Variants in B4GALNT3 observed in about 807,000 individuals in gnomAD.
B4GALNT3 encodes beta-1,4-N-acetyl-galactosaminyltransferase 3.
B4GALNT3 carries 86 observed loss-of-function variants against 120.2 expected under a neutral mutation model. The observed-to-expected ratio is 0.72, with a 90% CI of 0.60 to 0.86. B4GALNT3 has a LOEUF of 0.86. Ranked by LOEUF, B4GALNT3 falls within the 40% of genes least tolerant of loss-of-function variation. The pLI is 0.00. For missense variants in B4GALNT3, 1,167 were observed against 1,298.9 expected (o/e 0.90, Z 1.56); for synonymous variants, 518 against 510.4 (o/e 1.01, Z -0.20).
intron 1 of B4GALNT3, among the ~76,000 whole-genome samples, chr12:522,520 A>G (rs528926248): frequency 1.5e-4 from 23 of 152,314 alleles, no homozygotes; most frequent in Non-Finnish European, 2.9e-4. Flanking sequence ...GGGAAGGGAA[A>G]GTGGCAGTTC....
In B4GALNT3 at chr12:542,232, C is replaced by T. The variant is rs193184281; in HGVS notation, c.352-2107C>T. ...CACTCTGCTGCAGGGCAGGGAGAGA[C>T]AGGTTCTCCTGCGTCTTTCTGGATC... On this transcript the variant is annotated intron_variant, in intron 3 of 19. Transcript: ENST00000266383. Among the ~76,000 whole-genome samples the T allele has an allele frequency of 1.3e-4, 20 of 152,276 alleles. No homozygotes were observed. The East Asian group carries it at 3.7e-3, about 28-fold the overall frequency.
chr12:511,275 G>GACCTTCCACCTTCC, intron 1 of B4GALNT3, among the ~76,000 whole-genome samples: 1 of 38,614 alleles, frequency 2.6e-5, no homozygotes, highest in South Asian at 9.7e-4. Context: ...TTCCACCTTC[G>GACCTTCCACCTTCC]ACCTTCTTCC....
intron 1 of B4GALNT3, among the ~76,000 whole-genome samples, chr12:486,529 C>T (rs1017371818): frequency 6.6e-6 from 1 of 152,184 alleles, no homozygotes; most frequent in East Asian, 1.9e-4. Context: ...CTTAACAAGG[C>T]CTGCCCTCAG....
intron 1 of B4GALNT3, among the ~76,000 whole-genome samples, chr12:482,335 A>C (rs2120476517): frequency 6.6e-6 from 1 of 152,264 alleles, no homozygotes; most frequent in South Asian, 2.1e-4. Flanking sequence ...AGCTTCAGGA[A>C]ACATCTCCTT....
chr12:461,132 C>A (rs531036892), intron 1 of B4GALNT3, among the ~76,000 whole-genome samples: 1 of 152,124 alleles, frequency 6.6e-6, no homozygotes, highest in Admixed American at 6.5e-5. Context: ...CCTCTCCCAG[C>A]CTCCGTCCTC....
At chr12:498,657 A>T (rs1290362666) in intron 1 of B4GALNT3, among the ~76,000 whole-genome samples, 1 of 152,208 alleles carries the variant, frequency 6.6e-6, no homozygotes, top group Non-Finnish European at 1.5e-5. Context: ...AGCTGAGAAA[A>T]AGCAGTATGT....
chr12:467,921 A>T (rs7137405), intron 1 of B4GALNT3, among the ~76,000 whole-genome samples: 70,167 of 152,098 alleles, frequency 0.46, 17,410 homozygotes, highest in East Asian at 0.62. Flanking sequence ...ATAATCACTC[A>T]GATTTCTCTC....
At chr12:476,058 G>A (rs1334370457) in intron 1 of B4GALNT3, among the ~76,000 whole-genome samples, 1 of 152,122 alleles carries the variant, frequency 6.6e-6, no homozygotes, top group Non-Finnish European at 1.5e-5. Context: ...CTTTACCATG[G>A]CATAGTGGTG....
In B4GALNT3 at chr12:553,332, A is replaced by G. The variant is rs756843302; in HGVS notation, c.1409A>G (p.Tyr470Cys). The change falls in exon 14 of 20, where the codon TAC becomes TGC. Residue 470 changes from tyrosine to cysteine, a missense_variant. Coordinates refer to ENST00000266383, the MANE Select transcript of B4GALNT3 (RefSeq NM_173593.4). Reference sequence around the variant, plus strand: ...ACCCTGGAGCAAGATGCCACTGACTACCGCCTCCGAAGCCTGCGGAAACTC... The same window carrying G: ...ACCCTGGAGCAAGATGCCACTGACTGCCGCCTCCGAAGCCTGCGGAAACTC... The part of the protein sequence containing the change: ...ASTLEQDATD[Y>C]RLRSLRKLLA... 1.7e-5 allele frequency: 27 copies of G among 1,613,560 alleles called. No homozygotes were observed. Among genetic ancestry groups the G allele is most frequent in the Non-Finnish European group, 2.1e-5 (25 of 1,180,046 alleles).
In B4GALNT3 at chr12:548,115, C is replaced by T; in HGVS notation, c.786+13C>T. On this transcript the variant is annotated intron_variant, in intron 8 of 19. Coordinates refer to ENST00000266383, the MANE Select transcript of B4GALNT3 (RefSeq NM_173593.4). The surrounding 1 kb of genome is among the most constrained non-coding windows in gnomAD (Gnocchi z 4.9). Reference sequence around the variant, plus strand: ...CGTGGAAGTTGCAGTGAGTTTCCTGCTGCTCCCGCCTCTCCCAGCTCAGTT... The same window carrying T: ...CGTGGAAGTTGCAGTGAGTTTCCTGTTGCTCCCGCCTCTCCCAGCTCAGTT... 6.2e-7 allele frequency: 1 copy of T among 1,610,692 alleles called. No individual in the cohort carries two copies. The highest frequency in any genetic ancestry group is 8.5e-7 in the Non-Finnish European group (1 of 1,178,158).
At chr12:526,587 C>A (rs1204185098) in intron 1 of B4GALNT3, among the ~76,000 whole-genome samples, 1 of 152,184 alleles carries the variant, frequency 6.6e-6, no homozygotes, top group African/African-American at 2.4e-5. Flanking sequence ...GGTCTTAAGT[C>A]AAAATTCCCC....
intron 1 of B4GALNT3, among the ~76,000 whole-genome samples, chr12:484,272 G>C (rs982175258): frequency 1.3e-5 from 2 of 152,118 alleles, no homozygotes; most frequent in Non-Finnish European, 2.9e-5. Flanking sequence ...TGTCAGTGAC[G>C]GTCATTCTGA....
intron 1 of B4GALNT3, among the ~76,000 whole-genome samples, chr12:503,798 A>G (rs914727711): frequency 6.6e-6 from 1 of 152,152 alleles, no homozygotes; most frequent in Non-Finnish European, 1.5e-5. Context: ...GACACTGTTG[A>G]CCACCTACTG....
chr12:552,762 G>C lies in B4GALNT3; in HGVS notation c.1270+234G>C, dbSNP rs73034155. On this transcript the variant is annotated intron_variant, in intron 13 of 19. Coordinates refer to ENST00000266383, the MANE Select transcript of B4GALNT3 (RefSeq NM_173593.4). ...CAGCATGCTGGGGTCAGCTGGAGGA[G>C]AGTGAGAGCCCGGGGGAGGTTACTT... The C allele has an allele frequency of 4.2e-3, 2,350 of 566,152 alleles. 5 individuals carry two copies. The highest frequency in any genetic ancestry group is 6.0e-3 in the Non-Finnish European group (1,919 of 318,250). 35.1% of individuals were successfully genotyped at this position (566,152 alleles called of 1,614,324 possible).
intron 1 of B4GALNT3, among the ~76,000 whole-genome samples, chr12:510,143 A>T (rs1354857786): frequency 1.3e-5 from 2 of 152,154 alleles, no homozygotes; most frequent in Non-Finnish European, 2.9e-5. Context: ...TAACCTAGTT[A>T]GCTGCATGAC....
intron 1 of B4GALNT3, among the ~76,000 whole-genome samples, chr12:527,322 C>T (rs1592042381): frequency 6.6e-6 from 1 of 152,252 alleles, no homozygotes; most frequent in Non-Finnish European, 1.5e-5. Context: ...AGGCAAACAC[C>T]TGGCATGGGC....
chr12:558,202 C>G, intron 17 of B4GALNT3, 114 bp downstream of exon 17: 1 of 1,157,024 alleles, frequency 8.6e-7, no homozygotes. Context: ...AATGAGGACA[C>G]AGGAGGTCCT....
chr12:545,277 G>T, intron 5 of B4GALNT3, 92 bp from the exon 6 acceptor site: 1 of 1,512,424 alleles, frequency 6.6e-7, no homozygotes, highest in South Asian at 1.3e-5. Context: ...AAGCACTGAA[G>T]GGAATTTAAT....
At chr12:526,082 G>T (rs561229011) in intron 1 of B4GALNT3, among the ~76,000 whole-genome samples, 2 of 152,306 alleles carry the variant, frequency 1.3e-5, no homozygotes, top group Non-Finnish European at 2.9e-5. Context: ...CCTGCATGTG[G>T]GCATGGGTAT....
Sources: gnomAD v4.1 joint callset for allele counts (sites outside exome capture counted in the v4.1 genomes callset) on GRCh38, gnomAD v4.1.1 for gene constraint, Gnocchi (gnomAD v3.1) non-coding constraint, MANE v1.5 for transcripts, NCBI Gene and HGNC (gene_info 2026-07-23, HGNC 2026-07-21) for gene names.